RASEF: variants seen among roughly 807,000 people sequenced by gnomAD.
RASEF encodes RAS and EF-hand domain containing.
In RASEF, 68 loss-of-function variants were observed where a neutral mutation model predicts 90.1. The observed-to-expected ratio is 0.75, with a 90% confidence interval of 0.62 to 0.92. RASEF has a LOEUF of 0.92. Among genes scored for constraint, RASEF ranks in the 40% least tolerant of loss-of-function variants. The pLI, the probability that RASEF is intolerant of heterozygous loss-of-function variation, is 0.00. For synonymous variants in RASEF, 331 were observed against 345.2 expected (o/e 0.96, Z 0.46); for missense variants, 949 against 937.2 (o/e 1.01, Z -0.16).
chr9:83,111,638 A>G, the RASEF span, among the ~76,000 whole-genome samples: 1 of 152,128 alleles, frequency 6.6e-6, no homozygotes, highest in Admixed American at 6.5e-5. Flanking sequence ...TTTGTCAATT[A>G]TACCTCAATA....
the RASEF span, among the ~76,000 whole-genome samples, chr9:83,204,866 T>A: frequency 1.3e-5 from 2 of 152,264 alleles, no homozygotes; most frequent in Non-Finnish European, 2.9e-5. Context: ...ATATTGTTAA[T>A]ACTAGTTTTG....
At chr9:83,048,644 G>T in intron 1 of RASEF, 1 of 985,416 alleles carries the variant, frequency 1.0e-6, no homozygotes, top group South Asian at 4.7e-5. Context: ...TAACACAGAC[G>T]TTCCTTGTTT....
the RASEF span, among the ~76,000 whole-genome samples, chr9:83,142,880 T>C: frequency 7.2e-6 from 1 of 138,314 alleles, no homozygotes; most frequent in Non-Finnish European, 1.5e-5. Context: ...GAATTCTCCA[T>C]AGAACACAAA....
the RASEF span, among the ~76,000 whole-genome samples, chr9:83,194,802 TGCTCCAACTTTGATCA>T: frequency 1.2e-4 from 18 of 152,240 alleles, no homozygotes; most frequent in African/African-American, 4.3e-4. Context: ...CTGCTCAAAT[TGCTCCAACTTTGATCA>T]GCTCTTTTCA....
chr9:83,029,445 T>A (rs866169613), intron 1 of RASEF, among the ~76,000 whole-genome samples: 1 of 147,722 alleles, frequency 6.8e-6, no homozygotes, highest in South Asian at 2.1e-4. Context: ...CAGGCTGGAG[T>A]GCAGTGGCGC....
chr9:83,108,521 T>G, the RASEF span, among the ~76,000 whole-genome samples: 1 of 152,168 alleles, frequency 6.6e-6, no homozygotes, highest in African/African-American at 2.4e-5. Flanking sequence ...AGAATTTTTT[T>G]GTGGGGGTTC....
At chr9:83,105,101 G>A in the RASEF span, among the ~76,000 whole-genome samples, 1 of 152,256 alleles carries the variant, frequency 6.6e-6, no homozygotes, top group South Asian at 2.1e-4. Context: ...TGAGGTTTAG[G>A]AGTTGCTATG....
the RASEF span, among the ~76,000 whole-genome samples, chr9:83,083,416 C>A: frequency 6.6e-6 from 1 of 152,000 alleles, no homozygotes; most frequent in Non-Finnish European, 1.5e-5. Flanking sequence ...CTCAATATAT[C>A]AAGAAAACAC....
the RASEF span, among the ~76,000 whole-genome samples, chr9:83,159,901 T>C: frequency 6.6e-6 from 1 of 152,198 alleles, no homozygotes; most frequent in Non-Finnish European, 1.5e-5. Flanking sequence ...CTCGTGATAG[T>C]GAGTCTTACA....
intron 13 of RASEF, among the ~76,000 whole-genome samples, chr9:82,998,017 C>A (rs935490374): frequency 6.6e-6 from 1 of 152,168 alleles, no homozygotes; most frequent in Non-Finnish European, 1.5e-5. Context: ...GACTGGTTCT[C>A]TTCTCCATCA....
chr9:83,083,836 CT>C, the RASEF span, among the ~76,000 whole-genome samples: 1 of 152,016 alleles, frequency 6.6e-6, no homozygotes, highest in Admixed American at 6.6e-5. Context: ...TATTGCAATC[CT>C]TAAAAATGGT....
At chr9:83,133,765 C>A in the RASEF span, among the ~76,000 whole-genome samples, 1 of 152,134 alleles carries the variant, frequency 6.6e-6, no homozygotes. Context: ...AAGGTCAAAA[C>A]TTTCAATAAA....
the RASEF span, among the ~76,000 whole-genome samples, chr9:83,184,394 C>T: frequency 5.9e-5 from 9 of 152,038 alleles, no homozygotes; most frequent in Admixed American, 1.3e-4. Context: ...GATGGGAGGG[C>T]GGTGTTAGCT....
chr9:83,176,793 C>T, the RASEF span, among the ~76,000 whole-genome samples: 1 of 151,990 alleles, frequency 6.6e-6, no homozygotes, highest in Non-Finnish European at 1.5e-5. Context: ...GTGCTATTAT[C>T]ATTATACATA....
rs528476603 is a variant in RASEF at position 83,017,885 on chromosome 9, T to C, written c.670-1985A>G. Among the ~76,000 whole-genome samples, 3 of 152,344 alleles carry C rather than the reference T, an allele frequency of 2.0e-5. No homozygotes were observed. The South Asian group carries it at 6.2e-4, about 32-fold the overall frequency. ...GCCTAGCTCAAGTGCAAGTTTGTTT[T>C]AATATTCAAAAATCAATCAATGTAA... On this transcript the variant is annotated intron_variant, in intron 3 of 16. Coordinates refer to ENST00000376447, the MANE Select transcript of RASEF (RefSeq NM_152573.4).
At chr9:83,044,716 G>A (rs987306458) in intron 1 of RASEF, among the ~76,000 whole-genome samples, 3 of 152,168 alleles carry the variant, frequency 2.0e-5, no homozygotes, top group Non-Finnish European at 4.4e-5. Flanking sequence ...AACTTTCTTA[G>A]TGGCTATGAT....
At chr9:83,092,739 C>T in the RASEF span, among the ~76,000 whole-genome samples, 6 of 152,298 alleles carry the variant, frequency 3.9e-5, no homozygotes, top group Admixed American at 2.0e-4. Context: ...GCCCCACCCA[C>T]GTCCTGCTGA....
intron 1 of RASEF, among the ~76,000 whole-genome samples, chr9:83,055,864 ACATC>A (rs1830094241): frequency 6.6e-6 from 1 of 152,214 alleles, no homozygotes; most frequent in African/African-American, 2.4e-5. Flanking sequence ...TCGATGTGAA[ACATC>A]CATAGTCCAG....
chr9:83,166,815 A>C, the RASEF span, among the ~76,000 whole-genome samples: 1 of 152,112 alleles, frequency 6.6e-6, no homozygotes, highest in East Asian at 1.9e-4. Context: ...AGAGGAACCC[A>C]AGGCCACTGG....
Sources: gnomAD v4.1 joint callset for allele counts (sites outside exome capture counted in the v4.1 genomes callset) on GRCh38, gnomAD v4.1.1 for gene constraint, MANE v1.5 for transcripts, NCBI Gene and HGNC (gene_info 2026-07-23, HGNC 2026-07-21) for gene names.